Variants in PTPRN2 observed in about 807,000 individuals in gnomAD.
The protein encoded by PTPRN2 is receptor-type tyrosine-protein phosphatase N2.
PTPRN2 carries 74 observed loss-of-function variants against 118.8 expected under a neutral mutation model. The ratio of observed to expected loss-of-function variants is 0.62; its 90% CI spans 0.52 to 0.76. The LOEUF is 0.76. Among genes scored for constraint, PTPRN2 ranks in the 30% least tolerant of loss-of-function variants. The pLI, the probability that PTPRN2 is intolerant of heterozygous loss-of-function variation, is 0.00. For missense variants in PTPRN2, 1,481 were observed against 1,394.4 expected, an observed-to-expected ratio of 1.06 and a Z score of -0.99; for synonymous variants, 641 against 608.0, an observed-to-expected ratio of 1.05 and a Z score of -0.80.
At chr7:158,314,338 AAC>A (rs1312712780) in intron 3 of PTPRN2, among the ~76,000 whole-genome samples, 2 of 152,260 alleles carry the variant, frequency 1.3e-5, no homozygotes, top group African/African-American at 2.4e-5. Context: ...TGAAGGGTGA[AAC>A]ACAGAGTAAG....
chr7:158,558,979 G>A (rs1455798047), intron 1 of PTPRN2, among the ~76,000 whole-genome samples: 1 of 152,046 alleles, frequency 6.6e-6, no homozygotes, highest in Non-Finnish European at 1.5e-5. Flanking sequence ...AGGTCTGCAG[G>A]CAGCAGGGAG....
chr7:158,341,517 A>G (rs796721362), intron 2 of PTPRN2, among the ~76,000 whole-genome samples: 3 of 121,958 alleles, frequency 2.5e-5, no homozygotes, highest in South Asian at 2.8e-4. Flanking sequence ...CGTCACTCAC[A>G]CCCACACTCT....
intron 2 of PTPRN2, among the ~76,000 whole-genome samples, chr7:158,390,501 C>G (rs1034539192): frequency 5.3e-5 from 8 of 152,208 alleles, no homozygotes; most frequent in Non-Finnish European, 1.2e-4. Context: ...GCAGGCACCC[C>G]GACCCCATCC....
At chr7:157,979,902 G>A (rs150433979) in intron 11 of PTPRN2, among the ~76,000 whole-genome samples, 3 of 152,304 alleles carry the variant, frequency 2.0e-5, no homozygotes, top group Non-Finnish European at 2.9e-5. Flanking sequence ...CAGAGCCCCC[G>A]ACTGGGCAGC....
intron 9 of PTPRN2, among the ~76,000 whole-genome samples, chr7:158,130,564 C>T (rs1396808455): frequency 3.3e-5 from 5 of 151,360 alleles, no homozygotes; most frequent in Non-Finnish European, 7.4e-5. Context: ...CACATACACT[C>T]ATATACACAC....
At chr7:158,134,199 T>A in intron 8 of PTPRN2, 140 bp from the exon 9 acceptor site, 1 of 939,428 alleles carries the variant, frequency 1.1e-6, no homozygotes, top group Non-Finnish European at 1.6e-6. Flanking sequence ...GAAGGCGAAG[T>A]GTGTGCAGTC....
chr7:158,482,575 A>G (rs1820723169), intron 2 of PTPRN2, among the ~76,000 whole-genome samples: 1 of 152,212 alleles, frequency 6.6e-6, no homozygotes, highest in Admixed American at 6.5e-5. Context: ...ACATAGTGCT[A>G]TTACACACTT....
At chr7:158,279,237 AG>A (rs1038210382) in intron 3 of PTPRN2, among the ~76,000 whole-genome samples, 10 of 152,224 alleles carry the variant, frequency 6.6e-5, no homozygotes, top group African/African-American at 2.4e-4. Context: ...CCGTTTTGAC[AG>A]AGTGCTGGTT....
At chr7:158,300,245 C>T (rs1800789435) in intron 3 of PTPRN2, among the ~76,000 whole-genome samples, 1 of 152,134 alleles carries the variant, frequency 6.6e-6, no homozygotes. Context: ...TGTGGCATTT[C>T]CCAATGGTGA....
chr7:157,638,725 A>G (rs1465471350), intron 14 of PTPRN2, among the ~76,000 whole-genome samples: 2 of 152,148 alleles, frequency 1.3e-5, no homozygotes, highest in Non-Finnish European at 2.9e-5. Context: ...GTGAGGTGGG[A>G]GTGGATGATC....
chr7:157,996,252 T>C (rs1216586810), intron 11 of PTPRN2, among the ~76,000 whole-genome samples: 1 of 152,194 alleles, frequency 6.6e-6, no homozygotes, highest in Non-Finnish European at 1.5e-5. Context: ...ATGTAGCACA[T>C]GGGACAATGG....
chr7:157,921,899 GACAA>G (rs777348338), intron 11 of PTPRN2, among the ~76,000 whole-genome samples: 4 of 152,208 alleles, frequency 2.6e-5, no homozygotes, highest in Non-Finnish European at 4.4e-5. Flanking sequence ...CATCAACTGT[GACAA>G]ACAGACCATC....
chr7:158,530,245 G>A (rs549069012), intron 1 of PTPRN2, among the ~76,000 whole-genome samples: 52 of 152,344 alleles, frequency 3.4e-4, no homozygotes, highest in African/African-American at 1.2e-3. Context: ...GCAATGGAAA[G>A]CAAGGTCTTT....
At chr7:158,202,594 G>A (rs1306089836) in intron 4 of PTPRN2, among the ~76,000 whole-genome samples, 2 of 152,200 alleles carry the variant, frequency 1.3e-5, no homozygotes, top group Non-Finnish European at 2.9e-5. Context: ...CCATAGCAGG[G>A]CAGGGGAAGG....
intron 2 of PTPRN2, among the ~76,000 whole-genome samples, chr7:158,346,930 C>T (rs1378983512): frequency 6.6e-6 from 1 of 152,064 alleles, no homozygotes; most frequent in Non-Finnish European, 1.5e-5. Flanking sequence ...AGATTCTTTA[C>T]CTGTCTTTTA....
chr7:157,649,147 C>A (rs1325996948), intron 14 of PTPRN2, among the ~76,000 whole-genome samples: 1 of 127,592 alleles, frequency 7.8e-6, no homozygotes, highest in African/African-American at 2.9e-5. Flanking sequence ...GTGGGTCGGA[C>A]CCATCCAGCG....
intron 2 of PTPRN2, among the ~76,000 whole-genome samples, chr7:158,376,109 C>T (rs1429891475): frequency 1.3e-5 from 2 of 152,164 alleles, no homozygotes; most frequent in African/African-American, 2.4e-5. Flanking sequence ...GACACCCCAC[C>T]CCTGGATGCT....
rs572592975 is a variant in PTPRN2 at position 158,091,157 on chromosome 7, C to T, written c.1644-9780G>A. ...CACAGGCTTATTTGTATCAAGTCAACCTTTAAGGGCTACAATAAATGTAAC... is the reference window on the plus strand; with the variant it reads ...CACAGGCTTATTTGTATCAAGTCAATCTTTAAGGGCTACAATAAATGTAAC... On this transcript the variant is annotated intron_variant, in intron 10 of 22. Transcript: ENST00000389418. Among the ~76,000 whole-genome samples, 55 of 152,310 alleles carry T rather than the reference C, an allele frequency of 3.6e-4. 1 individual carries two copies. The South Asian group carries it at 0.011, about 29-fold the overall frequency.
In PTPRN2 at chr7:158,158,584, G is replaced by A. The variant is rs1442012577; in HGVS notation, c.910+8347C>T. 2.7e-4 allele frequency among the ~76,000 whole-genome samples: 40 copies of A among 147,798 alleles called. No homozygotes were observed. In the South Asian group the frequency reaches 5.3e-3, roughly 19 times the overall value. ...AGCCCGTGTGATTGGCCGGGACTTC[G>A]CAAGTGCTTTCTGAATGAATGAGTG... On this transcript the variant is annotated intron_variant, in intron 6 of 22. Transcript: ENST00000389418.
Sources: gnomAD v4.1 joint callset for allele counts (sites outside exome capture counted in the v4.1 genomes callset) on GRCh38, gnomAD v4.1.1 for gene constraint, MANE v1.5 for transcripts, NCBI Gene and HGNC (gene_info 2026-07-23, HGNC 2026-07-21) for gene names.